AMBRA1: variants seen among roughly 807,000 people sequenced by gnomAD.
AMBRA1 encodes activating molecule in BECN1-regulated autophagy protein 1.
A neutral mutation model predicts 125.4 loss-of-function variants in AMBRA1; 47 were observed. The ratio of observed to expected loss-of-function variants is 0.37; its 90% CI spans 0.30 to 0.48. The LOEUF (loss-of-function observed/expected upper bound fraction) is 0.48, where lower values mean the gene tolerates loss of function less well. Ranked by LOEUF, AMBRA1 falls within the 20% of genes least tolerant of loss-of-function variation. The pLI, the probability that AMBRA1 is intolerant of heterozygous loss-of-function variation, is 0.99. For missense variants in AMBRA1, 1,331 were observed against 1,693.4 expected, an observed-to-expected ratio of 0.79 and a Z score of 3.76; for synonymous variants, 626 against 655.5, an observed-to-expected ratio of 0.95 and a Z score of 0.69.
chr11:46,568,607 C>T (rs1007505713), intron 1 of AMBRA1, among the ~76,000 whole-genome samples: 2 of 150,796 alleles, frequency 1.3e-5, no homozygotes, highest in African/African-American at 4.9e-5. Flanking sequence ...CCCATCTCTA[C>T]TAAAAAGATA....
chr11:46,418,055 AG>A lies in AMBRA1; in HGVS notation c.2977-4del. On this transcript the variant is annotated splice_region_variant and splice_polypyrimidine_tract_variant and intron_variant, in intron 14 of 17. Coordinates refer to ENST00000683756, the MANE Select transcript of AMBRA1 (RefSeq NM_001387011.1). Reference sequence around the variant, plus strand: ...GGATAAAGGACGTTGAAAACTCTCTAGGTAGAGGAAAAGAGGGAAAAAAAGA... The same window carrying A: ...GGATAAAGGACGTTGAAAACTCTCTAGTAGAGGAAAAGAGGGAAAAAAAGA... 1 of 1,559,486 alleles carries A rather than the reference AG, an allele frequency of 6.4e-7. No individual in the cohort carries two copies. Among genetic ancestry groups the A allele is most frequent in the South Asian group, 1.2e-5 (1 of 84,494 alleles).
chr11:46,512,774 A>G lies in AMBRA1; in HGVS notation c.2112T>C (p.Tyr704=). Reference sequence around the variant, plus strand: ...GGTGCTCTCTGGATCCTGCTCCATCATAACGGGATAATGAAATGAGGGAAG... The same window carrying G: ...GGTGCTCTCTGGATCCTGCTCCATCGTAACGGGATAATGAAATGAGGGAAG... ...LESSLISLSR[Y]DGAGSREHPI... is the part of the protein sequence containing the mutation. Residue 704 remains tyrosine (Y), a synonymous_variant, in exon 8 of 18, where the codon TAT becomes TAC. Transcript: ENST00000683756. 1 of 1,613,688 alleles carries G rather than the reference A, an allele frequency of 6.2e-7. No individual in the cohort carries two copies. Among genetic ancestry groups the G allele is most frequent in the Non-Finnish European group, 8.5e-7 (1 of 1,179,808 alleles).
intron 1 of AMBRA1, among the ~76,000 whole-genome samples, chr11:46,554,951 C>T (rs368249344): frequency 3.4e-4 from 51 of 152,128 alleles, no homozygotes; most frequent in African/African-American, 1.1e-3. Context: ...AGACAAATGC[C>T]GGTCAGGCAT....
chr11:46,593,670 C>A (rs1207629115), intron 1 of AMBRA1, among the ~76,000 whole-genome samples, 158 bp downstream of exon 1: 1 of 152,208 alleles, frequency 6.6e-6, no homozygotes, highest in African/African-American at 2.4e-5. Context: ...CGGTTCCGGG[C>A]TGCCCCTCCG....
In AMBRA1 at chr11:46,508,293, A is replaced by G; in HGVS notation, c.2237T>C (p.Met746Thr). 6.2e-7 allele frequency: 1 copy of G among 1,614,168 alleles called. No individual in the cohort carries two copies. The highest frequency in any genetic ancestry group is 8.5e-7 in the Non-Finnish European group (1 of 1,179,972). ...ACGGAGACGGTTCTGTTGGTAGCGC[A>G]TGGAGCGCTGGCGAATACTGTCTCT... The part of the protein sequence containing the change: ...SRRDSIRQRS[M>T]RYQQNRLRSS... Residue 746 changes from methionine to threonine, a missense_variant, in exon 9 of 18, where the codon ATG (methionine) becomes ACG (threonine). Physicochemically the swap from Met to Thr is moderately conservative, Grantham distance 81 (BLOSUM62 -1). This residue lies in a region of AMBRA1 where 689 missense variants were observed against 776.5 expected (regional missense o/e 0.89). Coordinates refer to ENST00000683756, the MANE Select transcript of AMBRA1 (RefSeq NM_001387011.1).
chr11:46,495,558 T>A (rs1367096887), intron 9 of AMBRA1: 1 of 152,134 alleles, frequency 6.6e-6, no homozygotes, highest in Middle Eastern at 3.2e-3. Flanking sequence ...CCTGAAATTG[T>A]GCAGATGAAA....
intron 17 of AMBRA1, among the ~76,000 whole-genome samples, chr11:46,401,453 C>A (rs972564208): frequency 3.9e-5 from 6 of 152,176 alleles, no homozygotes; most frequent in African/African-American, 1.4e-4. Flanking sequence ...GCTGGCCAGG[C>A]TGGTATCAGA....
At chr11:46,439,091 C>A (rs557333251) in intron 12 of AMBRA1, among the ~76,000 whole-genome samples, 53 of 152,032 alleles carry the variant, frequency 3.5e-4, no homozygotes, top group African/African-American at 1.3e-3. Context: ...GGCAACACAG[C>A]GAGATCTCAT....
chr11:46,511,786 G>C (rs1476728425), intron 8 of AMBRA1, among the ~76,000 whole-genome samples: 3 of 152,202 alleles, frequency 2.0e-5, no homozygotes. Context: ...ATCACCATCA[G>C]TGAAGGGCAG....
intron 15 of AMBRA1, among the ~76,000 whole-genome samples, chr11:46,416,705 G>A (rs1397694123): frequency 1.3e-5 from 2 of 152,218 alleles, no homozygotes. Flanking sequence ...CACACTCTGT[G>A]ATCTGCAGAA....
At chr11:46,540,660 C>T (rs1359557534) in intron 7 of AMBRA1, among the ~76,000 whole-genome samples, 1 of 152,192 alleles carries the variant, frequency 6.6e-6, no homozygotes, top group East Asian at 1.9e-4. Flanking sequence ...ATAAAAAGGT[C>T]TTGCTCTCTC....
chr11:46,547,870 T>C lies in AMBRA1; in HGVS notation c.141A>G (p.Val47=). 6.2e-7 allele frequency: 1 copy of C among 1,601,798 alleles called. No homozygotes were observed. Among genetic ancestry groups the C allele is most frequent in the Non-Finnish European group, 8.5e-7 (1 of 1,175,192 alleles). ...TRWMKWEGKR[V]ELPDSPRSTF... is the part of the protein sequence containing the mutation. ...TAGAGCGTGGACTATCCGGCAGTTC[T>C]ACTCTCTGGGAGACAAAAAAAAAAA... Residue 47 remains valine, a synonymous_variant, in exon 3 of 18, where the codon GTA becomes GTG. Transcript: ENST00000683756.
chr11:46,579,567 T>C (rs1444521932), intron 1 of AMBRA1, among the ~76,000 whole-genome samples: 1 of 152,220 alleles, frequency 6.6e-6, no homozygotes, highest in Non-Finnish European at 1.5e-5. Context: ...AATATCTTCA[T>C]ACCCTCACCC....
intron 11 of AMBRA1, among the ~76,000 whole-genome samples, chr11:46,477,499 GAAA>G (rs982612219): frequency 8.9e-6 from 1 of 112,354 alleles, no homozygotes. Context: ...CTAATTTCTG[GAAA>G]AAAAAAAAAA....
intron 7 of AMBRA1, among the ~76,000 whole-genome samples, 160 bp downstream of exon 7, chr11:46,541,785 G>C (rs1952756456): frequency 6.6e-6 from 1 of 152,182 alleles, no homozygotes; most frequent in African/African-American, 2.4e-5. Context: ...TCCTATCTCT[G>C]CCACCAGAGC....
intron 1 of AMBRA1, among the ~76,000 whole-genome samples, chr11:46,564,061 T>G (rs888536499): frequency 1.3e-4 from 20 of 150,450 alleles, no homozygotes; most frequent in African/African-American, 3.7e-4. Flanking sequence ...GGAGAATCGC[T>G]TCAACCCAGG....
At chr11:46,461,985 TTCC>T (rs1565183419) in intron 11 of AMBRA1, among the ~76,000 whole-genome samples, 12 of 152,106 alleles carry the variant, frequency 7.9e-5, no homozygotes, top group Non-Finnish European at 1.8e-4. Context: ...TCTAGACTCC[TTCC>T]TCCCTGCCCT....
At chr11:46,496,496 A>G (rs1182394097) in intron 9 of AMBRA1, among the ~76,000 whole-genome samples, 2 of 152,202 alleles carry the variant, frequency 1.3e-5, no homozygotes, top group Non-Finnish European at 2.9e-5. Context: ...CACATTACAG[A>G]GCTGACAATT....
intron 11 of AMBRA1, among the ~76,000 whole-genome samples, chr11:46,445,065 G>GAAAAAAAAAAA (rs1196067258): frequency 2.1e-5 from 2 of 93,286 alleles, no homozygotes; most frequent in Non-Finnish European, 4.6e-5. Flanking sequence ...GCAAAAAAAA[G>GAAAAAAAAAAA]AAAAACAAAA....
Sources: gnomAD v4.1 joint callset for allele counts (sites outside exome capture counted in the v4.1 genomes callset) on GRCh38, gnomAD v4.1.1 for gene constraint, gnomAD v4.1.1 regional missense constraint, MANE v1.5 for transcripts, NCBI Gene and HGNC (gene_info 2026-07-23, HGNC 2026-07-21) for gene names.